Variants in CLDN10 observed in about 807,000 individuals in gnomAD.
The protein encoded by CLDN10 is claudin-10.
CLDN10 carries 15 observed loss-of-function variants against 22.9 expected under a neutral mutation model. The ratio of observed to expected loss-of-function variants is 0.65; its 90% confidence interval spans 0.44 to 1.01. The LOEUF (loss-of-function observed/expected upper bound fraction) is 1.01. Among genes scored for constraint, CLDN10 ranks in the 50% least tolerant of loss-of-function variants. The pLI is 0.00. For missense variants in CLDN10, 247 were observed against 287.8 expected (o/e 0.86, Z 1.03); for synonymous variants, 114 against 111.4 (o/e 1.02, Z -0.15).
chr13:95,476,399 CTG>C (rs1336569574), intron 1 of CLDN10, among the ~76,000 whole-genome samples: 2 of 152,174 alleles, frequency 1.3e-5, no homozygotes, highest in Non-Finnish European at 2.9e-5. Flanking sequence ...AGTCTTCTCT[CTG>C]TGTCCTCACG....
intron 1 of CLDN10, among the ~76,000 whole-genome samples, chr13:95,471,453 A>ATATTTTTTT (rs776857009): frequency 1.0e-4 from 11 of 106,390 alleles, no homozygotes; most frequent in African/African-American, 4.0e-4. Context: ...ATATATATAT[A>ATATTTTTTT]TTTTTTTTTT....
At chr13:95,533,062 G>C (rs561735088) in intron 1 of CLDN10, among the ~76,000 whole-genome samples, 9 of 152,064 alleles carry the variant, frequency 5.9e-5, no homozygotes, top group African/African-American at 1.9e-4. Context: ...TTTGTCAAAA[G>C]TTAGTGAATG....
rs190781463 is a variant in CLDN10, at chr13:95,502,048, T to C, written c.215-58084T>C. Among the ~76,000 whole-genome samples the C allele has an allele frequency of 2.2e-3, 336 of 152,340 alleles. 4 individuals carry two copies. Among genetic ancestry groups the C allele is most frequent in the African/African-American group, 7.8e-3 (326 of 41,586 alleles). On this transcript the variant is annotated intron_variant, in intron 1 of 4. Transcript: ENST00000376873. ...ATCTAATATAAGAATTTTACAATAGTTGTGTTCCATTTATAACCACCCCAG... is the reference window on the plus strand; with the variant it reads ...ATCTAATATAAGAATTTTACAATAGCTGTGTTCCATTTATAACCACCCCAG...
intron 1 of CLDN10, among the ~76,000 whole-genome samples, chr13:95,441,113 G>A (rs1275049107): frequency 2.0e-5 from 3 of 152,208 alleles, no homozygotes; most frequent in Non-Finnish European, 4.4e-5. Context: ...TGAATAAACG[G>A]AAGGAGAAAT....
intron 1 of CLDN10, among the ~76,000 whole-genome samples, chr13:95,503,893 A>G (rs1193298163): frequency 6.6e-6 from 1 of 152,238 alleles, no homozygotes; most frequent in East Asian, 1.9e-4. Context: ...CAAGTTGAAA[A>G]GAGTTCTGGG....
intron 1 of CLDN10, among the ~76,000 whole-genome samples, chr13:95,526,168 T>C (rs186612865): frequency 5.3e-5 from 8 of 152,348 alleles, no homozygotes; most frequent in Admixed American, 5.2e-4. Flanking sequence ...GCTTATCTCA[T>C]GGATGCAATA....
intron 3 of CLDN10, among the ~76,000 whole-genome samples, chr13:95,574,966 G>T (rs1365212081): frequency 4.6e-5 from 7 of 152,002 alleles, no homozygotes; most frequent in African/African-American, 1.7e-4. Flanking sequence ...TCCTTTCAGT[G>T]AACTCATTGT....
chr13:95,458,031 T>C lies in CLDN10; in HGVS notation c.214+23984T>C, dbSNP rs542126460. On this transcript the variant is annotated intron_variant, in intron 1 of 4. Transcript: ENST00000376873. ...CTCAACTTATGCACCTGGGGTCTAA[T>C]GGGGGTTGGCTGACCTTAGATGAGG... Among the ~76,000 whole-genome samples, 10 of 152,266 alleles carry C rather than the reference T, an allele frequency of 6.6e-5. 1 individual carries two copies. The East Asian group carries it at 1.3e-3, about 21-fold the overall frequency.
intron 3 of CLDN10, among the ~76,000 whole-genome samples, chr13:95,563,500 C>T (rs1160004199): frequency 6.6e-6 from 1 of 152,096 alleles, no homozygotes; most frequent in East Asian, 1.9e-4. Flanking sequence ...ATAACAGGCC[C>T]TTTGCATCAA....
chr13:95,466,612 GA>G (rs897612746), intron 1 of CLDN10, among the ~76,000 whole-genome samples: 35 of 149,744 alleles, frequency 2.3e-4, no homozygotes, highest in Admixed American at 1.9e-3. Flanking sequence ...GGAAGCAAAT[GA>G]AAAAAAAATC....
intron 1 of CLDN10, among the ~76,000 whole-genome samples, chr13:95,520,746 G>T (rs1350510509): frequency 2.0e-5 from 3 of 152,130 alleles, no homozygotes; most frequent in South Asian, 2.1e-4. Context: ...ACATTGAAAG[G>T]CAGAGGCAGG....
chr13:95,434,808 C>T (rs924731043), intron 1 of CLDN10, among the ~76,000 whole-genome samples: 2 of 151,926 alleles, frequency 1.3e-5, no homozygotes, highest in Non-Finnish European at 2.9e-5. Flanking sequence ...CTCCTTACAT[C>T]TACTTTATCC....
intron 1 of CLDN10, among the ~76,000 whole-genome samples, chr13:95,484,876 A>AG (rs2042788388): frequency 2.2e-5 from 1 of 46,132 alleles, no homozygotes; most frequent in African/African-American, 1.4e-4. Flanking sequence ...AAAAAAAAAA[A>AG]AAAAAAAAAA....
At chr13:95,444,730 G>A (rs1206717066) in intron 1 of CLDN10, among the ~76,000 whole-genome samples, 6 of 152,068 alleles carry the variant, frequency 3.9e-5, no homozygotes, top group African/African-American at 1.4e-4. Context: ...TGACATTTGA[G>A]CTCCCTCATC....
At chr13:95,520,894 C>G (rs12866271) in intron 1 of CLDN10, among the ~76,000 whole-genome samples, 3 of 150,968 alleles carry the variant, frequency 2.0e-5, no homozygotes, top group Non-Finnish European at 4.4e-5. Flanking sequence ...GCAGGAGAAT[C>G]GCGGAGACTG....
At chr13:95,457,612 C>T (rs2042495477) in intron 1 of CLDN10, among the ~76,000 whole-genome samples, 1 of 152,094 alleles carries the variant, frequency 6.6e-6, no homozygotes, top group African/African-American at 2.4e-5. Flanking sequence ...TAGAAATGAC[C>T]TTAGTTCTTC....
intron 1 of CLDN10, among the ~76,000 whole-genome samples, chr13:95,437,222 C>T (rs968738774): frequency 6.6e-6 from 1 of 152,134 alleles, no homozygotes; most frequent in Non-Finnish European, 1.5e-5. Context: ...TTTGGGTGAG[C>T]AGCATTTATA....
intron 1 of CLDN10, among the ~76,000 whole-genome samples, chr13:95,464,145 C>T: frequency 6.6e-6 from 1 of 151,478 alleles, no homozygotes; most frequent in Non-Finnish European, 1.5e-5. Context: ...GGTACATGTG[C>T]ACAACGTGCA....
At chr13:95,468,848 C>T (rs2042603536) in intron 1 of CLDN10, among the ~76,000 whole-genome samples, 1 of 152,146 alleles carries the variant, frequency 6.6e-6, no homozygotes, top group African/African-American at 2.4e-5. Context: ...CCATAAAACA[C>T]ATCATGTGTT....
Sources: allele counts gnomAD v4.1 joint callset (sites outside exome capture counted in the v4.1 genomes callset), GRCh38; gene constraint gnomAD v4.1.1; transcripts MANE v1.5; gene names NCBI Gene and HGNC (gene_info 2026-07-23, HGNC 2026-07-21).